The following HSPG2 variants were observed in gnomAD, a reference collection of about 807,000 sequenced individuals.
HSPG2 encodes the protein basement membrane-specific heparan sulfate proteoglycan core protein.
In HSPG2, 278 loss-of-function variants were observed where a neutral mutation model predicts 526.6. That is an observed-to-expected ratio of 0.53 (90% CI 0.48 to 0.58). The LOEUF (loss-of-function observed/expected upper bound fraction) is 0.58, where lower values mean the gene tolerates loss of function less well. HSPG2 is among the 20% of genes least tolerant of loss of function. The pLI, the probability that HSPG2 is intolerant of heterozygous loss-of-function variation, is 0.00. For synonymous variants in HSPG2, 2,465 were observed against 2,555.4 expected (o/e 0.96, Z 1.07); for missense variants, 5,354 against 6,099.5 (o/e 0.88, Z 4.07).
rs147514525 is a variant in HSPG2, at chr1:21,855,799, G to T, written c.5689C>A (p.Leu1897Ile). 3.1e-6 allele frequency: 5 copies of T among 1,613,112 alleles called. No individual in the cohort carries two copies. The African/African-American group carries it at 6.7e-5, about 22-fold the overall frequency. ...ATCACGGCCTCACCTGTCCACTCGA[G>T]GGTGGGCGTGGGGCTCCCTGTGGCG... ...CSATGSPTPTLEWTGGPGGQL... is the reference protein window; with the variant it reads ...CSATGSPTPTIEWTGGPGGQL... Residue 1897 changes from leucine to isoleucine, a missense_variant, in exon 45 of 97, where the codon CTC (leucine) becomes ATC (isoleucine). Coordinates refer to ENST00000374695, the MANE Select transcript of HSPG2 (RefSeq NM_005529.7).
At position 21,864,526 on chromosome 1, in the gene HSPG2, C is replaced by T. The variant is rs1640071214; in HGVS notation, c.4627-313G>A. ...GGTTTTAACCCCCGGAGAGTGTGGC[C>T]CAAACGTGAGGCTGCACTGCCCAGT... On this transcript the variant is annotated intron_variant, in intron 36 of 96. Transcript: ENST00000374695. The surrounding 1 kb of genome is among the most constrained non-coding windows in gnomAD (Gnocchi z 4.8). Among the ~76,000 whole-genome samples the T allele has an allele frequency of 6.6e-6, 1 of 152,170 alleles. No individual in the cohort carries two copies. The highest frequency in any genetic ancestry group is 2.4e-5 in the African/African-American group (1 of 41,434).
chr1:21,889,487 G>A (rs1279150495), intron 6 of HSPG2, among the ~76,000 whole-genome samples: 2 of 152,184 alleles, frequency 1.3e-5, no homozygotes, highest in African/African-American at 4.8e-5. Context: ...CACCGAGTTT[G>A]TTTGAAATCC....
At chr1:21,869,376 T>C in intron 33 of HSPG2, 2 of 875,064 alleles carry the variant, frequency 2.3e-6, no homozygotes, top group Non-Finnish European at 2.7e-6. Context: ...TCCAAGTAGT[T>C]CACAGAAATT....
At chr1:21,857,430 C>G (rs367604157) in intron 42 of HSPG2, 45 bp from the exon 43 acceptor site, 1 of 1,554,954 alleles carries the variant, frequency 6.4e-7, no homozygotes, top group Non-Finnish European at 8.8e-7. Flanking sequence ...CTGGCTAGGC[C>G]CCGGTCCTGT....
At chr1:21,829,175 C>T in intron 87 of HSPG2, 96 bp from the exon 88 acceptor site, 2 of 1,474,138 alleles carry the variant, frequency 1.4e-6, no homozygotes, top group Admixed American at 2.1e-5. Flanking sequence ...TGGGGAATGC[C>T]CTACAGCCTT....
chr1:21,876,627 T>C lies in HSPG2; in HGVS notation c.2711A>G (p.Asn904Ser). ...CKNNVVGRLC[N>S]ECADGSFHLS... ...GTGGAAAGAGCCGTCAGCACATTCA[T>C]TGCACAAGCGCCCCACCACATTGTT... Residue 904 changes from asparagine to serine, a missense_variant, in exon 22 of 97, where the codon AAT (asparagine) becomes AGT (serine). Transcript: ENST00000374695. The C allele has an allele frequency of 1.2e-6, 2 of 1,614,214 alleles. No homozygotes were observed. The highest frequency in any genetic ancestry group is 1.7e-6 in the Non-Finnish European group (2 of 1,180,036).
intron 1 of HSPG2, among the ~76,000 whole-genome samples, chr1:21,934,542 G>C (rs1296761466): frequency 6.6e-6 from 1 of 152,014 alleles, no homozygotes; most frequent in African/African-American, 2.4e-5. Context: ...ACCGAGGCGA[G>C]AGGATCGCTT....
Position 21,846,443 on chromosome 1 carries a change from C to T in HSPG2, c.8316+5G>A. ...CTCTCCCACCATTTCCTGCCAGCTG[C>T]ATACCTGATGGTGACTGGGGAGGCT... On this transcript the variant is annotated splice_donor_5th_base_variant and intron_variant, in intron 63 of 96. Transcript: ENST00000374695. 1.2e-6 allele frequency: 2 copies of T among 1,613,400 alleles called. No individual in the cohort carries two copies. Among genetic ancestry groups the T allele is most frequent in the Non-Finnish European group, 1.7e-6 (2 of 1,180,042 alleles).
rs1458445963 is a variant in HSPG2 at position 21,828,944 on chromosome 1, C to T, written c.12128G>A (p.Ser4043Asn). The change falls in exon 88 of 97, where the codon AGC (serine) becomes AAC (asparagine). Residue 4043 changes from serine to asparagine, a missense_variant. By Grantham distance (46) the Ser-to-Asn change is conservative (BLOSUM62 1). Coordinates refer to ENST00000374695, the MANE Select transcript of HSPG2 (RefSeq NM_005529.7). This position sits in a 1 kb window ranked among gnomAD's most constrained non-coding sequence, Gnocchi z 6.0. ...CAGGGTGTGCAGGTTGAGGCCCTGG[C>T]TCTTGCCGGGCGAGGAGCGCAGCAC... ...RPVLRSSPGK[S>N]QGLNLHTLLY... The T allele has an allele frequency of 1.3e-6, 2 of 1,574,676 alleles. No homozygotes were observed. The highest frequency in any genetic ancestry group is 2.3e-5 in the East Asian group (1 of 42,768).
Position 21,833,358 on chromosome 1 carries a change from T to A in HSPG2, c.11005A>T (p.Thr3669Ser). Reference protein sequence around the residue: ...PERVVPYFTQTPYSFLPLPTI... With the variant: ...PERVVPYFTQSPYSFLPLPTI... ...GGCAGCGGTAGGAAGGAGTAGGGGG[T>A]CTGCGTGAAGTAGGGCACCACCCGC... The change falls in exon 80 of 97, where the codon ACC (threonine) becomes TCC (serine). Residue 3669 changes from threonine (T) to serine (S), a missense_variant. Thr to Ser is a moderately conservative substitution (Grantham distance 58). Coordinates refer to ENST00000374695, the MANE Select transcript of HSPG2 (RefSeq NM_005529.7). The A allele has an allele frequency of 6.2e-7, 1 of 1,613,560 alleles. No individual in the cohort carries two copies. Among genetic ancestry groups the A allele is most frequent in the Non-Finnish European group, 8.5e-7 (1 of 1,179,880 alleles).
At position 21,841,522 on chromosome 1, in the gene HSPG2, G is replaced by C. The variant is rs2098048384; in HGVS notation, c.9328+17C>G. On this transcript the variant is annotated intron_variant, in intron 70 of 96. Transcript: ENST00000374695. ...CTGGAAACAGGGCAGAGCCCCACAGGGTCAACGTCCCCTCACCGTGCACAC... is the reference window on the plus strand; with the variant it reads ...CTGGAAACAGGGCAGAGCCCCACAGCGTCAACGTCCCCTCACCGTGCACAC... 6.2e-7 allele frequency: 1 copy of C among 1,614,146 alleles called. No individual in the cohort carries two copies. The highest frequency in any genetic ancestry group is 8.5e-7 in the Non-Finnish European group (1 of 1,179,980).
intron 1 of HSPG2, among the ~76,000 whole-genome samples, chr1:21,906,736 G>A (rs1004074853): frequency 1.3e-5 from 2 of 150,042 alleles, no homozygotes; most frequent in East Asian, 3.9e-4. Flanking sequence ...GGGGGTGGGG[G>A]GGGGTCACGT....
chr1:21,836,963 G>C lies in HSPG2; in HGVS notation c.10194C>G (p.Ser3398=). The C allele has an allele frequency of 6.4e-7, 1 of 1,554,592 alleles. No individual in the cohort carries two copies. The highest frequency in any genetic ancestry group is 8.7e-7 in the Non-Finnish European group (1 of 1,149,042). Residue 3398 remains serine, a synonymous_variant, in exon 75 of 97, where the codon TCC becomes TCG. Transcript: ENST00000374695. ...SLPATSIPAG[S]TPTVQVTPQL... ...GAGGCGTGACCTGCACGGTGGGCGT[G>C]GACCCTGCTGGGATGGAGGTGGCAG...
At chr1:21,833,432 C>T in intron 79 of HSPG2, 35 bp downstream of exon 79, 1 of 1,614,176 alleles carries the variant, frequency 6.2e-7, no homozygotes. Flanking sequence ...AGGGAGTGGG[C>T]AGGGCACTGC....
intron 1 of HSPG2, among the ~76,000 whole-genome samples, chr1:21,910,272 T>C (rs1354739786): frequency 2.6e-5 from 4 of 152,180 alleles, no homozygotes; most frequent in Admixed American, 1.3e-4. Context: ...CCGTAAGACC[T>C]TCCTGAAATT....
At chr1:21,892,433 C>T (rs1642434254) in intron 3 of HSPG2, among the ~76,000 whole-genome samples, 1 of 152,248 alleles carries the variant, frequency 6.6e-6, no homozygotes, top group African/African-American at 2.4e-5. Flanking sequence ...TCTACTAGGG[C>T]CTGGGAAGGG....
chr1:21,881,617 G>T, intron 13 of HSPG2, 115 bp from the exon 14 acceptor site: 1 of 1,025,378 alleles, frequency 9.8e-7, no homozygotes, highest in Non-Finnish European at 1.4e-6. Context: ...TTGATTTCGA[G>T]AAAACTTTGA....
chr1:21,897,738 T>G (rs1259381071), intron 1 of HSPG2, among the ~76,000 whole-genome samples: 1 of 152,128 alleles, frequency 6.6e-6, no homozygotes, highest in East Asian at 1.9e-4. Flanking sequence ...CAGTAGTCAC[T>G]TGGGACCAAG....
intron 1 of HSPG2, among the ~76,000 whole-genome samples, chr1:21,936,462 A>G (rs1644491491): frequency 1.3e-5 from 2 of 152,030 alleles, no homozygotes; most frequent in South Asian, 4.1e-4. Context: ...CACGCAGTCC[A>G]GCAACGCCCT....
Sources: allele counts gnomAD v4.1 joint callset (sites outside exome capture counted in the v4.1 genomes callset), GRCh38; gene constraint gnomAD v4.1.1; non-coding constraint Gnocchi (gnomAD v3.1); transcripts MANE v1.5; gene names NCBI Gene and HGNC (gene_info 2026-07-23, HGNC 2026-07-21).